The following LAMA4 variants were observed in gnomAD, a reference collection of about 807,000 sequenced individuals.
LAMA4 encodes laminin subunit alpha-4.
A neutral mutation model predicts 207.1 loss-of-function variants in LAMA4; 127 were observed. The ratio of observed to expected loss-of-function variants is 0.61; its 90% confidence interval spans 0.53 to 0.71. The LOEUF is 0.71. Ranked by LOEUF, LAMA4 falls within the 30% of genes least tolerant of loss-of-function variation. The pLI is 0.00. For synonymous variants in LAMA4, 761 were observed against 816.0 expected, an observed-to-expected ratio of 0.93 and a Z score of 1.15; for missense variants, 2,093 against 2,246.5, an observed-to-expected ratio of 0.93 and a Z score of 1.38.
intron 4 of LAMA4, among the ~76,000 whole-genome samples, chr6:112,204,622 G>C (rs1009235946): frequency 6.6e-6 from 1 of 152,086 alleles, no homozygotes; most frequent in Admixed American, 6.5e-5. Context: ...CATGGCAAGA[G>C]AACTGTGCTA....
At chr6:112,254,376 T>TCTCCCTCTCCCTCTCC in intron 1 of LAMA4, 83 bp downstream of exon 1, 2 of 581,596 alleles carry the variant, frequency 3.4e-6, no homozygotes, top group Non-Finnish European at 6.1e-6. Context: ...TCCCCCTCTC[T>TCTCCCTCTCCCTCTCC]CTCCCTCTCC....
At position 112,148,289 on chromosome 6, in the gene LAMA4, C is replaced by T; in HGVS notation, c.2221G>A (p.Ala741Thr). The T allele has an allele frequency of 6.2e-7, 1 of 1,614,182 alleles. No homozygotes were observed. The highest frequency in any genetic ancestry group is 8.5e-7 in the Non-Finnish European group (1 of 1,180,026). Residue 741 changes from alanine to threonine, a missense_variant, in exon 18 of 39, where the codon GCC becomes ACC. This residue lies in a region of LAMA4 where 1,704 missense variants were observed against 1,788.4 expected (regional missense o/e 0.95). Coordinates refer to ENST00000230538, the MANE Select transcript of LAMA4 (RefSeq NM_001105206.3). ...TGCACCTCCATCGTCGTCCTGTTGG[C>T]TTCCTCGGTGATCAGTCTAGACTGC... ...LGQSRLITEE[A>T]NRTTMEVQQA... is the part of the protein sequence containing the mutation.
At chr6:112,195,406 A>G (rs1287851666) in intron 5 of LAMA4, among the ~76,000 whole-genome samples, 1 of 152,162 alleles carries the variant, frequency 6.6e-6, no homozygotes, top group African/African-American at 2.4e-5. Flanking sequence ...ACTCTATGCA[A>G]ACAACAGGGT....
chr6:112,220,446 A>T (rs2115078527), intron 2 of LAMA4, among the ~76,000 whole-genome samples: 1 of 152,178 alleles, frequency 6.6e-6, no homozygotes, highest in East Asian at 1.9e-4. Flanking sequence ...AATGAGAACT[A>T]GATGTAACTT....
intron 2 of LAMA4, among the ~76,000 whole-genome samples, chr6:112,228,904 T>C (rs1554363568): frequency 6.6e-6 from 1 of 152,088 alleles, no homozygotes; most frequent in African/African-American, 2.4e-5. Context: ...ACACCCTCGT[T>C]CTCAGGGTGC....
rs587752999 is a variant in LAMA4, at chr6:112,112,092, G to T, written c.5326+1984C>A. Among the ~76,000 whole-genome samples the T allele has an allele frequency of 2.6e-4, 39 of 152,246 alleles. No homozygotes were observed. The South Asian group carries it at 7.7e-3, about 30-fold the overall frequency. ...TATAGTCATGTTCCCTGCCATCAAG[G>T]AATGCACTTCTTAGTTTCAACAATA... On this transcript the variant is annotated intron_variant, in intron 38 of 38. Transcript: ENST00000230538.
At chr6:112,132,637 G>A (rs1163549399) in intron 28 of LAMA4, 116 bp downstream of exon 28, 7 of 949,706 alleles carry the variant, frequency 7.4e-6, no homozygotes, top group African/African-American at 3.3e-5. Flanking sequence ...GTGTGTCTAC[G>A]TGTGAGTCAA....
rs1236899094 is a variant in LAMA4 at position 112,134,559 on chromosome 6, T to C, written c.3465A>G (p.Arg1155=). 6.2e-7 allele frequency: 1 copy of C among 1,609,880 alleles called. No homozygotes were observed. The change falls in exon 26 of 39, where the codon AGA becomes AGG. Residue 1155 remains arginine (R), a synonymous_variant. Transcript: ENST00000230538. ...CATTATCCATGCTCTTGACATGCCT[T>C]CTGTCAACTACCAAGATCATTTTCT... is the stretch of plus-strand genomic sequence containing the variant. ...NDKKMILVVD[R]RHVKSMDNEK...
In LAMA4 at chr6:112,117,871, A is replaced by G; in HGVS notation, c.4849T>C (p.Cys1617Arg). The change falls in exon 35 of 39, where the codon TGT (cysteine) becomes CGT (arginine). Residue 1617 changes from cysteine (C) to arginine (R), a missense_variant. Physicochemically the swap from Cys to Arg is radical, Grantham distance 180 (BLOSUM62 -3). This residue lies in a region of LAMA4 where 383 missense variants were observed against 437.8 expected (regional missense o/e 0.87). Coordinates refer to ENST00000230538, the MANE Select transcript of LAMA4 (RefSeq NM_001105206.3). This position sits in a 1 kb window ranked among gnomAD's most constrained non-coding sequence, Gnocchi z 4.5. ...CCATTGAGCTGGAGATTGCTGAGACAGCCACTAAAACTGTAGATGGAGTTA... is the reference window on the plus strand; with the variant it reads ...CCATTGAGCTGGAGATTGCTGAGACGGCCACTAAAACTGTAGATGGAGTTA... ...QINSIYSFSG[C>R]LSNLQLNGAS... 1 of 1,613,696 alleles carries G rather than the reference A, an allele frequency of 6.2e-7. No homozygotes were observed. Among genetic ancestry groups the G allele is most frequent in the Non-Finnish European group, 8.5e-7 (1 of 1,179,674 alleles).
At chr6:112,161,943 G>A (rs1356233901) in intron 13 of LAMA4, 1 of 152,232 alleles carries the variant, frequency 6.6e-6, no homozygotes, top group South Asian at 2.1e-4. Context: ...GGGTCTCATG[G>A]GCCATGACAA....
chr6:112,143,462 T>A (rs372394540), intron 19 of LAMA4, among the ~76,000 whole-genome samples: 31 of 152,080 alleles, frequency 2.0e-4, no homozygotes, highest in African/African-American at 6.8e-4. Context: ...TTTTTGTATT[T>A]TGGTAGAGAC....
Position 112,129,088 on chromosome 6 carries a change from C to A in LAMA4, c.4134-13G>T, listed in dbSNP as rs566972043. 4 of 1,603,440 alleles carry A rather than the reference C, an allele frequency of 2.5e-6. No homozygotes were observed. The highest frequency in any genetic ancestry group is 1.7e-5 in the Admixed American group (1 of 59,832). On this transcript the variant is annotated splice_polypyrimidine_tract_variant and intron_variant, in intron 30 of 38. Coordinates refer to ENST00000230538, the MANE Select transcript of LAMA4 (RefSeq NM_001105206.3). Reference sequence around the variant, plus strand: ...ATCTCTATCCACCCTGTGTTTGTAACAGAGGAAAAAATAAATATTAAAAAT... The same window carrying A: ...ATCTCTATCCACCCTGTGTTTGTAAAAGAGGAAAAAATAAATATTAAAAAT...
chr6:112,137,460 A>T (rs1159397688), intron 24 of LAMA4, among the ~76,000 whole-genome samples: 2 of 152,256 alleles, frequency 1.3e-5, no homozygotes, highest in African/African-American at 4.8e-5. Flanking sequence ...AATATTTAAC[A>T]CATGAATTAT....
chr6:112,183,719 G>A (rs993815305), intron 9 of LAMA4, among the ~76,000 whole-genome samples: 4 of 152,044 alleles, frequency 2.6e-5, no homozygotes, highest in Non-Finnish European at 5.9e-5. Context: ...GGGAGGCTGA[G>A]GTGAGCTGAT....
intron 2 of LAMA4, among the ~76,000 whole-genome samples, chr6:112,241,128 A>AATATATATATTCATATATATGAAT (rs1335468210): frequency 9.6e-6 from 1 of 103,776 alleles, no homozygotes; most frequent in African/African-American, 3.4e-5. Flanking sequence ...TATATATATG[A>AATATATATATTCATATATATGAAT]ATATATAGGA....
intron 18 of LAMA4, among the ~76,000 whole-genome samples, chr6:112,145,153 G>T (rs528932699): frequency 6.6e-6 from 1 of 152,182 alleles, no homozygotes; most frequent in Non-Finnish European, 1.5e-5. Flanking sequence ...CTAGTTTAGG[G>T]CACAGGTGCA....
At chr6:112,158,434 C>T (rs551561095) in intron 14 of LAMA4, 1 of 380,970 alleles carries the variant, frequency 2.6e-6, no homozygotes, top group Non-Finnish European at 4.9e-6. Flanking sequence ...AACAGACACC[C>T]CCCTCTTCCC....
At chr6:112,184,769 T>C (rs1554346171) in intron 9 of LAMA4, among the ~76,000 whole-genome samples, 2 of 152,192 alleles carry the variant, frequency 1.3e-5, no homozygotes, top group African/African-American at 4.8e-5. Flanking sequence ...AAAGTGATGG[T>C]TGAAAGTGGT....
chr6:112,214,091 G>A (rs782017034), intron 3 of LAMA4: 12 of 717,936 alleles, frequency 1.7e-5, no homozygotes, highest in Admixed American at 6.1e-5. Flanking sequence ...GGCACCAAAG[G>A]AAACAGAAAA....
Sources: allele counts gnomAD v4.1 joint callset (sites outside exome capture counted in the v4.1 genomes callset), GRCh38; gene constraint gnomAD v4.1.1; regional missense constraint gnomAD v4.1.1; non-coding constraint Gnocchi (gnomAD v3.1); transcripts MANE v1.5; gene names NCBI Gene and HGNC (gene_info 2026-07-23, HGNC 2026-07-21).